Variants in LUZP2 observed in about 807,000 individuals in gnomAD.
LUZP2 encodes the protein leucine zipper protein 2.
Under a neutral mutation model 51.6 loss-of-function variants are expected in LUZP2, and 52 were observed. That is an observed-to-expected ratio of 1.01 (90% confidence interval 0.81 to 1.27). The LOEUF (loss-of-function observed/expected upper bound fraction) is 1.27, where lower values mean the gene tolerates loss of function less well. Among genes scored for constraint, LUZP2 ranks in the 50% most tolerant of loss-of-function variants. The pLI, the probability that LUZP2 is intolerant of heterozygous loss-of-function variation, is 0.00. For synonymous variants in LUZP2, 154 were observed against 137.3 expected (o/e 1.12, Z -0.85); for missense variants, 436 against 395.4 (o/e 1.10, Z -0.87).
At chr11:24,943,617 C>A (rs1341870472) in intron 7 of LUZP2, among the ~76,000 whole-genome samples, 3 of 152,128 alleles carry the variant, frequency 2.0e-5, no homozygotes, top group Non-Finnish European at 4.4e-5. Flanking sequence ...GTGGCTCATG[C>A]CTGTAATCCC....
intron 1 of LUZP2, among the ~76,000 whole-genome samples, chr11:24,610,394 A>G (rs1213001474): frequency 1.3e-5 from 2 of 152,160 alleles, no homozygotes; most frequent in African/African-American, 4.8e-5. Flanking sequence ...GCCTTTTGAG[A>G]GGGCCCAAAT....
intron 5 of LUZP2, among the ~76,000 whole-genome samples, chr11:24,896,275 G>A (rs1488591149): frequency 6.6e-6 from 1 of 152,142 alleles, no homozygotes; most frequent in Non-Finnish European, 1.5e-5. Context: ...TCTGCTTGCA[G>A]GGAGGTGTGG....
At chr11:24,726,032 C>A (rs903621316) in intron 1 of LUZP2, among the ~76,000 whole-genome samples, 2 of 152,062 alleles carry the variant, frequency 1.3e-5, no homozygotes, top group Non-Finnish European at 2.9e-5. Flanking sequence ...GGATTTCTAG[C>A]CTCCAGAATT....
intron 1 of LUZP2, among the ~76,000 whole-genome samples, chr11:24,671,837 C>T (rs1024193007): frequency 3.3e-5 from 5 of 152,058 alleles, no homozygotes; most frequent in Non-Finnish European, 7.4e-5. Context: ...CCCATGTAAT[C>T]AATAGGCTAA....
intron 7 of LUZP2, among the ~76,000 whole-genome samples, chr11:24,964,642 C>T (rs1855528800): frequency 6.6e-6 from 1 of 152,032 alleles, no homozygotes; most frequent in South Asian, 2.1e-4. Context: ...TACTATGTGG[C>T]TATTCCTCCT....
chr11:24,716,683 G>A (rs1163220809), intron 1 of LUZP2, among the ~76,000 whole-genome samples: 2 of 152,102 alleles, frequency 1.3e-5, no homozygotes, highest in African/African-American at 4.8e-5. Context: ...GATCACCTGA[G>A]GTCAAGAGTT....
chr11:24,714,565 G>T (rs1451064353), intron 1 of LUZP2, among the ~76,000 whole-genome samples: 3 of 152,042 alleles, frequency 2.0e-5, no homozygotes, highest in East Asian at 3.9e-4. Context: ...TCAGAAAAAT[G>T]ATAGTAAAAA....
At chr11:24,797,856 G>T (rs1849588108) in intron 5 of LUZP2, among the ~76,000 whole-genome samples, 1 of 152,140 alleles carries the variant, frequency 6.6e-6, no homozygotes, top group South Asian at 2.1e-4. Context: ...CAAAAGTTGA[G>T]TACACTTTAC....
chr11:24,539,449 T>G (rs1018424924), intron 1 of LUZP2, among the ~76,000 whole-genome samples: 3 of 151,938 alleles, frequency 2.0e-5, no homozygotes, highest in African/African-American at 7.2e-5. Context: ...CCACATCCTA[T>G]CTGATCTTCT....
rs1215995186 is a variant in LUZP2, at chr11:24,664,634, C to T, written c.63-64535C>T. ...CTCTGCGCAGCCTCTGGACATGGTG[C>T]CCTGAATCCCAACTACTTTCAGTTC... On this transcript the variant is annotated intron_variant, in intron 1 of 11. Transcript: ENST00000336930. Among the ~76,000 whole-genome samples the T allele has an allele frequency of 2.0e-5, 3 of 152,300 alleles. No homozygotes were observed. The South Asian group carries it at 6.2e-4, about 32-fold the overall frequency.
chr11:24,995,121 G>A (rs1856454221), intron 9 of LUZP2, among the ~76,000 whole-genome samples: 1 of 152,132 alleles, frequency 6.6e-6, no homozygotes, highest in South Asian at 2.1e-4. Context: ...GGATGTGATG[G>A]CTCACACCTG....
intron 1 of LUZP2, among the ~76,000 whole-genome samples, chr11:24,672,075 T>C (rs1406265309): frequency 6.6e-6 from 1 of 152,124 alleles, no homozygotes; most frequent in Non-Finnish European, 1.5e-5. Context: ...TCTCTCATGG[T>C]GTTTGATTTA....
At chr11:24,664,276 A>G (rs774040802) in intron 1 of LUZP2, among the ~76,000 whole-genome samples, 19 of 152,148 alleles carry the variant, frequency 1.2e-4, no homozygotes, top group Non-Finnish European at 2.4e-4. Context: ...CCTGCCCTAG[A>G]GATCTTTAGA....
chr11:24,658,741 C>T (rs1237042063), intron 1 of LUZP2, among the ~76,000 whole-genome samples: 1 of 151,912 alleles, frequency 6.6e-6, no homozygotes, highest in Non-Finnish European at 1.5e-5. Context: ...AAAAACAACC[C>T]CATCAAAAAG....
At chr11:24,799,697 G>A (rs995099302) in intron 5 of LUZP2, among the ~76,000 whole-genome samples, 10 of 151,954 alleles carry the variant, frequency 6.6e-5, no homozygotes, top group Admixed American at 1.3e-4. Context: ...CTAGCATCTT[G>A]AGCCTAAGTT....
At chr11:24,961,946 G>T (rs1232204078) in intron 7 of LUZP2, among the ~76,000 whole-genome samples, 1 of 151,764 alleles carries the variant, frequency 6.6e-6, no homozygotes, top group Non-Finnish European at 1.5e-5. Context: ...AGGCCTGGTG[G>T]TGACAAAATC....
intron 5 of LUZP2, among the ~76,000 whole-genome samples, chr11:24,826,190 A>AAAAAAAAAATATATATAT (rs1215786412): frequency 1.5e-5 from 1 of 67,536 alleles, no homozygotes; most frequent in African/African-American, 5.9e-5. Flanking sequence ...AAAAAAAAAA[A>AAAAAAAAAATATATATAT]ATATATATAT....
intron 1 of LUZP2, among the ~76,000 whole-genome samples, chr11:24,615,823 CAT>C (rs145300200): frequency 1.4e-4 from 21 of 150,170 alleles, no homozygotes; most frequent in African/African-American, 5.1e-4. Context: ...ATATATGTCT[CAT>C]ATATATATAT....
rs565674622 is a variant in LUZP2, at chr11:24,999,433, GA to G, written c.765+16142del. 5.5e-4 allele frequency among the ~76,000 whole-genome samples: 83 copies of G among 151,116 alleles called. No homozygotes were observed. In the East Asian group the frequency reaches 0.016, roughly 28 times the overall value. On this transcript the variant is annotated intron_variant, in intron 9 of 11. Coordinates refer to ENST00000336930, the MANE Select transcript of LUZP2 (RefSeq NM_001009909.4). ...GGAGAAGAAGAAGGAGGAGGAGGAG[GA>G]AGAAGGAGGAGAAGGAGAAAGAAGA...
Sources: allele counts gnomAD v4.1 joint callset (sites outside exome capture counted in the v4.1 genomes callset), GRCh38; gene constraint gnomAD v4.1.1; transcripts MANE v1.5; gene names NCBI Gene and HGNC (gene_info 2026-07-23, HGNC 2026-07-21).